The following PTPDC1 variants were observed in gnomAD, a reference collection of about 807,000 sequenced individuals.
PTPDC1 encodes protein tyrosine phosphatase domain-containing protein 1.
A neutral mutation model predicts 75.3 loss-of-function variants in PTPDC1; 53 were observed. The observed-to-expected ratio is 0.70, with a 90% CI of 0.56 to 0.88. The LOEUF is 0.88. PTPDC1 is among the 40% of genes least tolerant of loss of function. The probability of loss-of-function intolerance (pLI) is 0.00; values close to 1 mark genes in which losing one functional copy is unlikely to be tolerated. For missense variants in PTPDC1, 925 were observed against 998.6 expected (o/e 0.93, Z 0.99); for synonymous variants, 349 against 366.2 (o/e 0.95, Z 0.54).
chr9:94,086,584 C>G (rs1182292018), intron 2 of PTPDC1, among the ~76,000 whole-genome samples: 1 of 152,148 alleles, frequency 6.6e-6, no homozygotes, highest in Non-Finnish European at 1.5e-5. Context: ...CCTTATATAT[C>G]TCATCAGGCC....
chr9:94,084,806 T>C, intron 1 of PTPDC1, 32 bp downstream of exon 1: 2 of 1,429,852 alleles, frequency 1.4e-6, no homozygotes, highest in Non-Finnish European at 9.5e-7. Flanking sequence ...GCCATACCTA[T>C]GTATATAAGT....
chr9:94,103,535 GTTTT>G (rs1230869004), intron 7 of PTPDC1, among the ~76,000 whole-genome samples: 1 of 152,068 alleles, frequency 6.6e-6, no homozygotes, highest in Non-Finnish European at 1.5e-5. Flanking sequence ...ATTGCTTCAG[GTTTT>G]TTACTTTCAT....
chr9:94,084,558 C>G lies in PTPDC1; in HGVS notation c.28C>G (p.Pro10Ala). MQVQDATRR[P>A]SAVRFLSSFL... Reference sequence around the variant, plus strand: ...GCAGGTGCAGGATGCAACCAGGCGGCCCTCAGCCGTGCGCTTCCTCAGCTC... The same window carrying G: ...GCAGGTGCAGGATGCAACCAGGCGGGCCTCAGCCGTGCGCTTCCTCAGCTC... Residue 10 changes from proline (P) to alanine (A), a missense_variant, in exon 1 of 9, where the codon CCC (proline) becomes GCC (alanine). By Grantham distance (27) the Pro-to-Ala change is conservative. Coordinates refer to ENST00000620992, the MANE Select transcript of PTPDC1 (RefSeq NM_001253829.2). 2 of 1,612,758 alleles carry G rather than the reference C, an allele frequency of 1.2e-6. No individual in the cohort carries two copies. Among genetic ancestry groups the G allele is most frequent in the Non-Finnish European group, 1.7e-6 (2 of 1,180,020 alleles).
At chr9:94,067,664 C>T (rs1173249227) in intron 2 of PTPDC1, among the ~76,000 whole-genome samples, 2 of 152,116 alleles carry the variant, frequency 1.3e-5, no homozygotes, top group South Asian at 2.1e-4. Flanking sequence ...TGCAGTGGCA[C>T]CATCTCAGCT....
chr9:94,092,470 C>G (rs1369473679), intron 4 of PTPDC1, among the ~76,000 whole-genome samples: 4 of 143,336 alleles, frequency 2.8e-5, no homozygotes, highest in African/African-American at 7.9e-5. Flanking sequence ...AATTTCTGTT[C>G]TTTTACATTT....
intron 1 of PTPDC1, among the ~76,000 whole-genome samples, chr9:94,032,364 T>G (rs1485930406): frequency 6.6e-6 from 1 of 152,186 alleles, no homozygotes; most frequent in African/African-American, 2.4e-5. Flanking sequence ...AGGGACCATT[T>G]TAAGAACAAT....
At chr9:94,036,828 T>C (rs2118387889) in intron 1 of PTPDC1, among the ~76,000 whole-genome samples, 1 of 152,316 alleles carries the variant, frequency 6.6e-6, no homozygotes, top group African/African-American at 2.4e-5. Context: ...TTTTCATCTC[T>C]AAGAGTCATT....
chr9:94,058,563 C>T (rs941357530), intron 1 of PTPDC1, among the ~76,000 whole-genome samples: 3 of 149,072 alleles, frequency 2.0e-5, no homozygotes, highest in Non-Finnish European at 3.0e-5. Context: ...AAAAATTAAC[C>T]GGGTGTAGTG....
At chr9:94,073,626 C>G (rs917039998) in intron 2 of PTPDC1, among the ~76,000 whole-genome samples, 1 of 152,048 alleles carries the variant, frequency 6.6e-6, no homozygotes, top group African/African-American at 2.4e-5. Context: ...CTGTCCAATG[C>G]TTGTTTTGTG....
chr9:94,068,617 G>T (rs987500962), intron 2 of PTPDC1, among the ~76,000 whole-genome samples: 2 of 152,126 alleles, frequency 1.3e-5, no homozygotes, highest in African/African-American at 4.8e-5. Context: ...AATATTTTAA[G>T]GAGAGATGAT....
intron 4 of PTPDC1, 131 bp from the exon 5 acceptor site, chr9:94,095,186 T>C (rs959898806): frequency 6.7e-6 from 4 of 597,374 alleles, no homozygotes; most frequent in African/African-American, 3.8e-5. Context: ...AAATCCCTCT[T>C]ATTTTATGCA....
chr9:94,050,016 G>A (rs1431434261), intron 1 of PTPDC1, among the ~76,000 whole-genome samples: 2 of 152,120 alleles, frequency 1.3e-5, no homozygotes, highest in Admixed American at 6.5e-5. Context: ...CGGCTACTGA[G>A]GCTTGTGCAT....
chr9:94,076,575 C>T (rs1266990436), intron 2 of PTPDC1, among the ~76,000 whole-genome samples: 1 of 152,044 alleles, frequency 6.6e-6, no homozygotes, highest in African/African-American at 2.4e-5. Flanking sequence ...TTTATCTACA[C>T]ATTCCATTTA....
Position 94,098,295 on chromosome 9 carries a change from T to A in PTPDC1, c.1729T>A (p.Ser577Thr). 1 of 1,614,188 alleles carries A rather than the reference T, an allele frequency of 6.2e-7. No individual in the cohort carries two copies. Among genetic ancestry groups the A allele is most frequent in the East Asian group, 2.2e-5 (1 of 44,874 alleles). The change falls in exon 6 of 9, where the codon TCT (serine) becomes ACT (threonine). Residue 577 changes from serine (S) to threonine (T), a missense_variant. Transcript: ENST00000620992. The stretch of plus-strand genomic sequence containing the variant: ...TCCAAACCCTGCTCACCAGCAAGTG[T>A]CTCACTGTCAGTGTAAAACTCATGG... ...KDPNPAHQQV[S>T]HCQCKTHGVG...
At chr9:94,065,884 C>T (rs1826285812) in intron 2 of PTPDC1, among the ~76,000 whole-genome samples, 1 of 152,206 alleles carries the variant, frequency 6.6e-6, no homozygotes, top group Non-Finnish European at 1.5e-5. Context: ...TTCTAGATGT[C>T]TAGTGGCTGC....
intron 1 of PTPDC1, among the ~76,000 whole-genome samples, chr9:94,040,267 G>A (rs1383507093): frequency 1.3e-5 from 2 of 152,194 alleles, no homozygotes; most frequent in African/African-American, 4.8e-5. Flanking sequence ...GGTCTGGCCA[G>A]TTGAGCCTAG....
intron 2 of PTPDC1, 148 bp from the exon 3 acceptor site, chr9:94,087,683 G>A: frequency 3.1e-6 from 2 of 639,014 alleles, no homozygotes; most frequent in Non-Finnish European, 2.8e-6. Flanking sequence ...TGTATTATCT[G>A]TTCAAATAAA....
intron 2 of PTPDC1, among the ~76,000 whole-genome samples, chr9:94,079,000 A>G (rs997715641): frequency 6.6e-6 from 1 of 152,170 alleles, no homozygotes; most frequent in Admixed American, 6.5e-5. Flanking sequence ...GATAGTGTCT[A>G]TTGACTACAC....
intron 6 of PTPDC1, among the ~76,000 whole-genome samples, chr9:94,099,070 A>G (rs1414952229): frequency 6.6e-6 from 1 of 152,252 alleles, no homozygotes; most frequent in African/African-American, 2.4e-5. Flanking sequence ...AGACTTGCCA[A>G]TCCTGCCCTA....
Sources: gnomAD v4.1 joint callset for allele counts (sites outside exome capture counted in the v4.1 genomes callset) on GRCh38, gnomAD v4.1.1 for gene constraint, MANE v1.5 for transcripts, NCBI Gene and HGNC (gene_info 2026-07-23, HGNC 2026-07-21) for gene names.